JAZF1: variants seen among roughly 807,000 people sequenced by gnomAD.
JAZF1 encodes JAZF zinc finger 1.
JAZF1 carries 8 observed loss-of-function variants against 26.4 expected under a neutral mutation model. The ratio of observed to expected loss-of-function variants is 0.30; its 90% CI spans 0.18 to 0.55. The LOEUF is 0.55. Ranked by LOEUF, JAZF1 falls within the 20% of genes least tolerant of loss-of-function variation. The pLI is 0.94. For synonymous variants in JAZF1, 126 were observed against 122.3 expected (o/e 1.03, Z -0.20); for missense variants, 199 against 322.0 (o/e 0.62, Z 2.92).
chr7:27,876,102 T>A (rs1368439904), intron 3 of JAZF1, among the ~76,000 whole-genome samples: 1 of 152,202 alleles, frequency 6.6e-6, no homozygotes, highest in East Asian at 1.9e-4. Context: ...GGTGTGTGAA[T>A]GACCTGGTTA....
At chr7:27,847,759 G>A (rs987551664) in intron 3 of JAZF1, among the ~76,000 whole-genome samples, 3 of 151,964 alleles carry the variant, frequency 2.0e-5, no homozygotes, top group Non-Finnish European at 2.9e-5. Flanking sequence ...CCTCCGCCTC[G>A]TAGGTTCGAG....
rs528017243 is a variant in JAZF1, at chr7:27,956,482, A to G, written c.188+35427T>C. Among the ~76,000 whole-genome samples the G allele has an allele frequency of 3.3e-5, 5 of 152,180 alleles. No homozygotes were observed. In the South Asian group the frequency reaches 1.0e-3, roughly 32 times the overall value. The stretch of plus-strand genomic sequence containing the variant: ...GGCCATGGTTAGTCAATGCCCTTGA[A>G]CCTCATGACTTGCTCATTATTATTC... On this transcript the variant is annotated intron_variant, in intron 2 of 4. Coordinates refer to ENST00000283928, the MANE Select transcript of JAZF1 (RefSeq NM_175061.4).
intron 1 of JAZF1, among the ~76,000 whole-genome samples, chr7:28,161,947 C>T (rs985741484): frequency 2.6e-5 from 4 of 152,076 alleles, no homozygotes; most frequent in South Asian, 2.1e-4. Flanking sequence ...GCAGCCTTTC[C>T]GAGAGGGTCA....
intron 1 of JAZF1, among the ~76,000 whole-genome samples, chr7:28,078,180 G>A (rs1026244443): frequency 3.9e-5 from 6 of 152,166 alleles, no homozygotes; most frequent in Non-Finnish European, 7.3e-5. Context: ...GAAGTCACTC[G>A]TATGATGATA....
At chr7:27,855,623 T>C (rs986287579) in intron 3 of JAZF1, among the ~76,000 whole-genome samples, 4 of 152,164 alleles carry the variant, frequency 2.6e-5, no homozygotes, top group Non-Finnish European at 5.9e-5. Context: ...AAGAAATGGA[T>C]AAATTCTTGG....
chr7:28,165,329 T>C (rs1289638985), intron 1 of JAZF1, among the ~76,000 whole-genome samples: 1 of 152,124 alleles, frequency 6.6e-6, no homozygotes, highest in African/African-American at 2.4e-5. Flanking sequence ...CTTTTAGAAT[T>C]AAAAAACAAG....
chr7:27,889,290 G>A (rs1316239271), intron 3 of JAZF1, among the ~76,000 whole-genome samples: 1 of 151,948 alleles, frequency 6.6e-6, no homozygotes, highest in East Asian at 1.9e-4. Context: ...AGGTTCAATG[G>A]GGAAATATGG....
rs540051942 is a variant in JAZF1 at position 27,876,682 on chromosome 7, C to T, written c.385+18538G>A. On this transcript the variant is annotated intron_variant, in intron 3 of 4. Coordinates refer to ENST00000283928, the MANE Select transcript of JAZF1 (RefSeq NM_175061.4). Reference sequence around the variant, plus strand: ...AAGAAAGTAAAAGGCATGGCTGGATCTTTCTCAAAAATAAGATCCCGGATA... The same window carrying T: ...AAGAAAGTAAAAGGCATGGCTGGATTTTTCTCAAAAATAAGATCCCGGATA... 2.0e-5 allele frequency among the ~76,000 whole-genome samples: 3 copies of T among 152,290 alleles called. No individual in the cohort carries two copies. The South Asian group carries it at 6.2e-4, about 32-fold the overall frequency.
chr7:27,931,356 C>G (rs1451883140), intron 2 of JAZF1, among the ~76,000 whole-genome samples: 2 of 152,158 alleles, frequency 1.3e-5, no homozygotes, highest in Non-Finnish European at 2.9e-5. Context: ...GTGGAGGAAC[C>G]TAACTGTTGA....
chr7:28,123,055 C>T (rs12531540), intron 1 of JAZF1, among the ~76,000 whole-genome samples: 54,151 of 151,994 alleles, frequency 0.36, 11,868 homozygotes, highest in Non-Finnish European at 0.49. Flanking sequence ...TCCAACTCCC[C>T]CAGCCTTCCC....
intron 2 of JAZF1, among the ~76,000 whole-genome samples, chr7:27,900,292 T>C (rs912705255): frequency 6.6e-6 from 1 of 152,232 alleles, no homozygotes; most frequent in Non-Finnish European, 1.5e-5. Context: ...CTAAATGACG[T>C]AAATAATTAA....
intron 3 of JAZF1, among the ~76,000 whole-genome samples, chr7:27,876,981 A>G (rs971393036): frequency 6.6e-5 from 10 of 152,330 alleles, no homozygotes; most frequent in African/African-American, 2.2e-4. Context: ...GGTCTAGACA[A>G]GAGGGTTACT....
intron 1 of JAZF1, among the ~76,000 whole-genome samples, chr7:28,110,527 AAAAG>A (rs1562590972): frequency 8.9e-5 from 6 of 67,658 alleles, no homozygotes; most frequent in Non-Finnish European, 1.9e-4. Flanking sequence ...AAGGAAAAGG[AAAAG>A]GAAAGGAAAA....
At chr7:27,952,813 TTAAGA>T (rs1250653016) in intron 2 of JAZF1, among the ~76,000 whole-genome samples, 6 of 152,238 alleles carry the variant, frequency 3.9e-5, no homozygotes, top group African/African-American at 1.4e-4. Context: ...AAAAAACACA[TTAAGA>T]TATTTTTATT....
chr7:28,052,434 CT>C (rs1404713607), intron 1 of JAZF1, among the ~76,000 whole-genome samples: 4 of 152,212 alleles, frequency 2.6e-5, no homozygotes, highest in African/African-American at 9.6e-5. Flanking sequence ...ACTATAAAAA[CT>C]TTTGGAAGAA....
intron 1 of JAZF1, chr7:27,992,224 ACT>A (rs1476909096): frequency 5.2e-6 from 3 of 580,876 alleles, no homozygotes; most frequent in African/African-American, 1.9e-5. Flanking sequence ...TGTCACACAA[ACT>A]CTTGCACAAT....
chr7:28,161,865 G>A (rs1783297022), intron 1 of JAZF1, among the ~76,000 whole-genome samples: 2 of 152,110 alleles, frequency 1.3e-5, no homozygotes, highest in African/African-American at 4.8e-5. Context: ...GTGATCTTGA[G>A]GGGATTACTT....
chr7:27,948,087 C>T (rs763324768), intron 2 of JAZF1, among the ~76,000 whole-genome samples: 1 of 152,046 alleles, frequency 6.6e-6, no homozygotes, highest in Non-Finnish European at 1.5e-5. Flanking sequence ...GGCCACTGGA[C>T]GGTGCTGCTG....
intron 4 of JAZF1, among the ~76,000 whole-genome samples, chr7:27,836,636 T>A (rs62451071): frequency 0.11 from 17,156 of 151,936 alleles, 1,042 homozygotes; most frequent in African/African-American, 0.14. Context: ...AGAAAACAAA[T>A]TGGGGATGGT....
Sources: allele counts gnomAD v4.1 joint callset (sites outside exome capture counted in the v4.1 genomes callset), GRCh38; gene constraint gnomAD v4.1.1; transcripts MANE v1.5; gene names NCBI Gene and HGNC (gene_info 2026-07-23, HGNC 2026-07-21).